ACTL6A: variants seen among roughly 807,000 people sequenced by gnomAD.
The protein encoded by ACTL6A is actin like 6A, also known as actin-like protein 6A.
ACTL6A carries 5 observed loss-of-function variants against 59.2 expected under a neutral mutation model. The ratio of observed to expected loss-of-function variants is 0.08; its 90% CI spans 0.04 to 0.18. The LOEUF (loss-of-function observed/expected upper bound fraction) is 0.18, where lower values mean the gene tolerates loss of function less well. ACTL6A is among the 10% of genes least tolerant of loss of function. The pLI is 1.00. For missense variants in ACTL6A, 285 were observed against 526.9 expected (o/e 0.54, Z 4.49); for synonymous variants, 154 against 171.8 (o/e 0.90, Z 0.81).
intron 13 of ACTL6A, among the ~76,000 whole-genome samples, chr3:179,586,903 C>T (rs1172634501): frequency 6.6e-6 from 1 of 152,100 alleles, no homozygotes; most frequent in Non-Finnish European, 1.5e-5. Context: ...TAATAATACC[C>T]CCATTGGCAC....
Position 179,570,477 on chromosome 3 carries a change from A to T in ACTL6A, c.277+236A>T, listed in dbSNP as rs1717970609. On this transcript the variant is annotated intron_variant, in intron 3 of 13. Coordinates refer to ENST00000429709, the MANE Select transcript of ACTL6A (RefSeq NM_004301.5). This position sits in a 1 kb window ranked among gnomAD's most constrained non-coding sequence, Gnocchi z 4.3. The stretch of plus-strand genomic sequence containing the variant: ...GATGTATATATACAAATAATGGTAC[A>T]CTGTGGGATAAGTGGTACAATATAG... The T allele has an allele frequency of 2.5e-6, 1 of 394,308 alleles. No homozygotes were observed. Among genetic ancestry groups the T allele is most frequent in the African/African-American group, 2.1e-5 (1 of 48,104 alleles). 24.4% of individuals were successfully genotyped at this position (394,308 alleles called of 1,614,324 possible).
At chr3:179,574,718 G>A (rs966871454) in intron 5 of ACTL6A, 14 of 331,900 alleles carry the variant, frequency 4.2e-5, no homozygotes, top group African/African-American at 3.0e-4. Flanking sequence ...TTTTAAGAAG[G>A]GGCATGTGGA....
chr3:179,587,623 C>T (rs1718544911), intron 13 of ACTL6A, among the ~76,000 whole-genome samples: 1 of 151,934 alleles, frequency 6.6e-6, no homozygotes, highest in Non-Finnish European at 1.5e-5. Context: ...CCTATAATTC[C>T]AGCACTTTGG....
chr3:179,587,428 T>G (rs79721151), intron 13 of ACTL6A, among the ~76,000 whole-genome samples: 181 of 152,222 alleles, frequency 1.2e-3, no homozygotes, highest in Non-Finnish European at 2.0e-3. Context: ...ATGTAACAGA[T>G]ACAGAAGGAC....
chr3:179,583,255 G>T, intron 11 of ACTL6A, 98 bp from the exon 12 acceptor site: 1 of 929,418 alleles, frequency 1.1e-6, no homozygotes. Flanking sequence ...AAAAACGAAA[G>T]GGAAATTGTA....
Position 179,569,806 on chromosome 3 carries a change from T to C in ACTL6A, c.26-18T>C. 1 of 1,610,770 alleles carries C rather than the reference T, an allele frequency of 6.2e-7. No homozygotes were observed. The highest frequency in any genetic ancestry group is 8.5e-7 in the Non-Finnish European group (1 of 1,176,974). ...ACTTTTGCAAGCTGTTAATGCTAATTATCTTTAATCTTTTCAGATGAAGTT... is the reference window on the plus strand; with the variant it reads ...ACTTTTGCAAGCTGTTAATGCTAATCATCTTTAATCTTTTCAGATGAAGTT... On this transcript the variant is annotated intron_variant, in intron 1 of 13. Transcript: ENST00000429709.
chr3:179,573,354 A>C lies in ACTL6A; in HGVS notation c.278-15A>C. ...AACTATGCATTATTTCCAAGTTACT[A>C]ATCTTATATTCTAGTTGAAGACTGG... On this transcript the variant is annotated splice_polypyrimidine_tract_variant and intron_variant, in intron 3 of 13. Coordinates refer to ENST00000429709, the MANE Select transcript of ACTL6A (RefSeq NM_004301.5). The C allele has an allele frequency of 2.6e-6, 4 of 1,509,740 alleles. No individual in the cohort carries two copies. The highest frequency in any genetic ancestry group is 3.6e-6 in the Non-Finnish European group (4 of 1,115,632). 93.5% of individuals were successfully genotyped at this position (1,509,740 alleles called of 1,614,324 possible).
chr3:179,575,966 C>T (rs947755130), intron 5 of ACTL6A, among the ~76,000 whole-genome samples: 7 of 152,182 alleles, frequency 4.6e-5, no homozygotes, highest in African/African-American at 1.7e-4. Context: ...TTAATAGTAG[C>T]TGTTCCTAGG....
chr3:179,573,206 G>A (rs1220775241), intron 3 of ACTL6A, 163 bp from the exon 4 acceptor site: 4 of 491,150 alleles, frequency 8.1e-6, no homozygotes, highest in Non-Finnish European at 1.4e-5. Context: ...AGAAGGCAAA[G>A]GTAATCTCTA....
rs772633949 is a variant in ACTL6A, at chr3:179,570,264, T to C, written c.277+23T>C. ...TGGGTATGATGTTTTCCCCATGGAATTGATTATGGAGTGTACATGTTATAT... is the reference window on the plus strand; with the variant it reads ...TGGGTATGATGTTTTCCCCATGGAACTGATTATGGAGTGTACATGTTATAT... On this transcript the variant is annotated intron_variant, in intron 3 of 13. Coordinates refer to ENST00000429709, the MANE Select transcript of ACTL6A (RefSeq NM_004301.5). The surrounding 1 kb of genome is among the most constrained non-coding windows in gnomAD (Gnocchi z 4.3). 4.4e-6 allele frequency: 7 copies of C among 1,599,282 alleles called. No individual in the cohort carries two copies. The highest frequency in any genetic ancestry group is 2.2e-5 in the South Asian group (2 of 89,782).
chr3:179,583,959 C>G (rs1718408344), intron 12 of ACTL6A, among the ~76,000 whole-genome samples: 1 of 152,160 alleles, frequency 6.6e-6, no homozygotes, highest in Admixed American at 6.5e-5. Context: ...CAGGTATGTT[C>G]CAGTAATTCA....
intron 3 of ACTL6A, among the ~76,000 whole-genome samples, chr3:179,572,975 ATTCT>A (rs1718055938): frequency 7.4e-6 from 1 of 135,608 alleles, no homozygotes; most frequent in African/African-American, 2.5e-5. Flanking sequence ...AGACCATACA[ATTCT>A]TTCTTTTTTT....
At chr3:179,563,373 G>C (rs1717728728) in intron 1 of ACTL6A, among the ~76,000 whole-genome samples, 1 of 152,180 alleles carries the variant, frequency 6.6e-6, no homozygotes, top group Admixed American at 6.5e-5. Context: ...AGGGTTTTGG[G>C]GTGCGCGCTC....
chr3:179,578,053 C>T (rs1718222568), intron 8 of ACTL6A, among the ~76,000 whole-genome samples: 1 of 152,156 alleles, frequency 6.6e-6, no homozygotes, highest in Non-Finnish European at 1.5e-5. Flanking sequence ...GGCATGGTGG[C>T]TCACGCCTGT....
chr3:179,563,323 G>A (rs1480429231), intron 1 of ACTL6A, among the ~76,000 whole-genome samples: 1 of 152,148 alleles, frequency 6.6e-6, no homozygotes, highest in African/African-American at 2.4e-5. Flanking sequence ...TGAAGTGGCG[G>A]CTCTCTGTGG....
intron 3 of ACTL6A, among the ~76,000 whole-genome samples, chr3:179,572,321 A>T (rs1157896267): frequency 6.6e-6 from 1 of 152,176 alleles, no homozygotes; most frequent in Non-Finnish European, 1.5e-5. Context: ...TTCTGCTGTG[A>T]CATTGAAAGC....
Position 179,573,348 on chromosome 3 carries a change from G to A in ACTL6A, c.278-21G>A, listed in dbSNP as rs779862645. 4 of 1,480,340 alleles carry A rather than the reference G, an allele frequency of 2.7e-6. No homozygotes were observed. In the South Asian group the frequency reaches 3.9e-5, roughly 14 times the overall value. 91.7% of individuals were successfully genotyped at this position (1,480,340 alleles called of 1,614,324 possible). A position where few individuals can be genotyped will look rare whatever the true frequency, so the allele number is the denominator to read the frequency against. Reference sequence around the variant, plus strand: ...ATCTTCAACTATGCATTATTTCCAAGTTACTAATCTTATATTCTAGTTGAA... The same window carrying A: ...ATCTTCAACTATGCATTATTTCCAAATTACTAATCTTATATTCTAGTTGAA... On this transcript the variant is annotated intron_variant, in intron 3 of 13. Transcript: ENST00000429709.
At chr3:179,584,362 C>CA (rs1342607292) in intron 12 of ACTL6A, 1 of 152,198 alleles carries the variant, frequency 6.6e-6, no homozygotes, top group Admixed American at 6.5e-5. Flanking sequence ...CGTGGTGGCT[C>CA]ACGCCTATAA....
intron 12 of ACTL6A, 110 bp downstream of exon 12, chr3:179,583,558 T>A: frequency 1.3e-6 from 1 of 778,760 alleles, no homozygotes; most frequent in Non-Finnish European, 2.1e-6. Context: ...ATATTTTGTG[T>A]GTGCCTGGTA....
Sources: allele counts gnomAD v4.1 joint callset (sites outside exome capture counted in the v4.1 genomes callset), GRCh38; gene constraint gnomAD v4.1.1; non-coding constraint Gnocchi (gnomAD v3.1); transcripts MANE v1.5; gene names NCBI Gene and HGNC (gene_info 2026-07-23, HGNC 2026-07-21).